Variants in DNM2 observed in about 807,000 individuals in gnomAD.
DNM2 encodes the protein dynamin 2, also known as dynamin-2.
A neutral mutation model predicts 99.0 loss-of-function variants in DNM2; 15 were observed. The observed-to-expected ratio is 0.15, with a 90% CI of 0.10 to 0.23. The LOEUF (loss-of-function observed/expected upper bound fraction) is 0.23, where lower values mean the gene tolerates loss of function less well. Ranked by LOEUF, DNM2 falls within the 10% of genes least tolerant of loss-of-function variation. The pLI is 1.00. For missense variants in DNM2, 742 were observed against 1,189.4 expected (o/e 0.62, Z 5.53); for synonymous variants, 525 against 481.2 (o/e 1.09, Z -1.19).
Position 10,830,175 on chromosome 19 carries a change from G to A in DNM2, c.2340G>A (p.Arg780=). The A allele has an allele frequency of 6.2e-7, 1 of 1,613,534 alleles. No homozygotes were observed. Among genetic ancestry groups the A allele is most frequent in the Non-Finnish European group, 8.5e-7 (1 of 1,179,662 alleles). The change falls in exon 20 of 21, where the codon CGG becomes CGA. Residue 780 remains arginine, a synonymous_variant. Transcript: ENST00000389253. The surrounding 1 kb of genome is among the most constrained non-coding windows in gnomAD (Gnocchi z 4.8). ...TGTCCAGCATACACCCCCCTGGCCG[G>A]CCCCCAGCAGTGAGGGGCCCCACTC... ...RPVSSIHPPG[R]PPAVRGPTPG...
intron 7 of DNM2, among the ~76,000 whole-genome samples, chr19:10,792,211 T>C (rs1386504662): frequency 6.6e-6 from 1 of 152,242 alleles, no homozygotes; most frequent in East Asian, 1.9e-4. Flanking sequence ...GAAAGAGATT[T>C]TGGGGATCTG....
In DNM2 at chr19:10,741,554, T is replaced by TC. The variant is rs2069749107; in HGVS notation, c.162-18184_162-18183insC. On this transcript the variant is annotated intron_variant, in intron 1 of 20. Coordinates refer to ENST00000389253, the MANE Select transcript of DNM2 (RefSeq NM_001005361.3). ...CCAAATTGGCCAATATTTCTTTCTT[T>TC]TTTTTTTTTTTTTGAGACAGAGTCT... is the stretch of plus-strand genomic sequence containing the variant. 3.3e-5 allele frequency among the ~76,000 whole-genome samples: 5 copies of TC among 149,732 alleles called. No individual in the cohort carries two copies. The South Asian group carries it at 1.1e-3, about 32-fold the overall frequency.
chr19:10,724,855 A>C (rs1375829424), intron 1 of DNM2, among the ~76,000 whole-genome samples: 2 of 152,226 alleles, frequency 1.3e-5, no homozygotes, highest in East Asian at 1.9e-4. Context: ...TTTTAATAAG[A>C]AGCAGCTGTG....
At position 10,765,082 on chromosome 19, in the gene DNM2, G is replaced by A. The variant is rs963498577; in HGVS notation, c.235+5271G>A. ...ACACCATGCTCCTGTCTCAGCCTCC[G>A]GCGTAGCTGGGACTACAGGCGCCCG... is the stretch of plus-strand genomic sequence containing the variant. On this transcript the variant is annotated intron_variant, in intron 2 of 20. Coordinates refer to ENST00000389253, the MANE Select transcript of DNM2 (RefSeq NM_001005361.3). This position sits in a 1 kb window ranked among gnomAD's most constrained non-coding sequence, Gnocchi z 4.4. Among the ~76,000 whole-genome samples, 11 of 151,026 alleles carry A rather than the reference G, an allele frequency of 7.3e-5. No individual in the cohort carries two copies. The highest frequency in any genetic ancestry group is 2.2e-4 in the African/African-American group (9 of 40,994).
chr19:10,793,626 A>T (rs1378352780), intron 7 of DNM2, 94 bp from the exon 8 acceptor site: 3 of 1,610,532 alleles, frequency 1.9e-6, no homozygotes, highest in East Asian at 4.5e-5. Flanking sequence ...GAAAAATGGT[A>T]AAAGAACAGT....
chr19:10,784,053 T>C (rs2071471915), intron 6 of DNM2, among the ~76,000 whole-genome samples: 1 of 151,998 alleles, frequency 6.6e-6, no homozygotes, highest in Admixed American at 6.6e-5. Context: ...ACAGAAATGG[T>C]ATTAAAAGCT....
chr19:10,812,259 C>A lies in DNM2; in HGVS notation c.1558-5C>A, dbSNP rs777800520. 6 of 1,591,510 alleles carry A rather than the reference C, an allele frequency of 3.8e-6. No individual in the cohort carries two copies. Among genetic ancestry groups the A allele is most frequent in the African/African-American group, 1.3e-5 (1 of 74,440 alleles). On this transcript the variant is annotated splice_region_variant and splice_polypyrimidine_tract_variant and intron_variant, in intron 14 of 20. Coordinates refer to ENST00000389253, the MANE Select transcript of DNM2 (RefSeq NM_001005361.3). This position sits in a 1 kb window ranked among gnomAD's most constrained non-coding sequence, Gnocchi z 4.0. Reference sequence around the variant, plus strand: ...TTCCCTGCTAAGCTGCGCGCTTTCCCCCAGGTGATCCGCAGGGGCTGGCTG... The same window carrying A: ...TTCCCTGCTAAGCTGCGCGCTTTCCACCAGGTGATCCGCAGGGGCTGGCTG...
At chr19:10,798,850 T>C (rs2072032441) in intron 11 of DNM2, among the ~76,000 whole-genome samples, 1 of 151,528 alleles carries the variant, frequency 6.6e-6, no homozygotes. Flanking sequence ...AAAGTAACCC[T>C]TACCTCAATC....
chr19:10,743,954 C>T (rs994576844), intron 1 of DNM2, among the ~76,000 whole-genome samples: 2 of 150,754 alleles, frequency 1.3e-5, no homozygotes, highest in Non-Finnish European at 3.0e-5. Flanking sequence ...CCATTGCACT[C>T]CAGCCAGGGC....
chr19:10,776,058 A>G, intron 4 of DNM2, 152 bp downstream of exon 4: 3 of 1,038,604 alleles, frequency 2.9e-6, no homozygotes, highest in Non-Finnish European at 4.3e-6. Context: ...TCCGAGAACC[A>G]GCAGTGCTGG....
At chr19:10,771,595 G>A (rs1051745167) in intron 2 of DNM2, among the ~76,000 whole-genome samples, 1 of 152,204 alleles carries the variant, frequency 6.6e-6, no homozygotes, top group African/African-American at 2.4e-5. Flanking sequence ...TACCCCTGGG[G>A]ATTTTGTGGA....
intron 5 of DNM2, among the ~76,000 whole-genome samples, chr19:10,781,018 TAAAAAAAA>T (rs5827115): frequency 7.9e-5 from 9 of 114,430 alleles, no homozygotes; most frequent in African/African-American, 2.7e-4. Flanking sequence ...ACTCTGTCTT[TAAAAAAAA>T]AAAAAAAAAA....
At chr19:10,722,679 G>T (rs558523792) in intron 1 of DNM2, among the ~76,000 whole-genome samples, 96 of 151,796 alleles carry the variant, frequency 6.3e-4, no homozygotes, top group Admixed American at 1.1e-3. Flanking sequence ...AGGCTAGAGT[G>T]CAGTGGCACC....
chr19:10,745,672 G>C (rs1599464843), intron 1 of DNM2, among the ~76,000 whole-genome samples: 2 of 152,182 alleles, frequency 1.3e-5, no homozygotes, highest in East Asian at 3.8e-4. Context: ...ACTCCAGCCT[G>C]GATGACAGAG....
chr19:10,759,683 C>G, intron 1 of DNM2, 55 bp from the exon 2 acceptor site: 1 of 1,609,180 alleles, frequency 6.2e-7, no homozygotes, highest in Non-Finnish European at 8.5e-7. Flanking sequence ...GGTCACACTT[C>G]CTGCCCCTCG....
intron 1 of DNM2, among the ~76,000 whole-genome samples, chr19:10,749,044 T>G (rs2070099820): frequency 6.6e-6 from 1 of 152,062 alleles, no homozygotes; most frequent in African/African-American, 2.4e-5. Flanking sequence ...GAGCATATGG[T>G]GACAAGGAAG....
chr19:10,758,664 A>T (rs528564942), intron 1 of DNM2, among the ~76,000 whole-genome samples: 1 of 150,656 alleles, frequency 6.6e-6, no homozygotes, highest in African/African-American at 2.4e-5. Flanking sequence ...CTCCTGCCTC[A>T]GCCTCCTGAG....
chr19:10,735,349 A>C (rs1460122599), intron 1 of DNM2, among the ~76,000 whole-genome samples: 1 of 152,028 alleles, frequency 6.6e-6, no homozygotes, highest in Admixed American at 6.6e-5. Context: ...TCTTCTGTGA[A>C]TCTTATCAGG....
chr19:10,808,135 T>G (rs1215236363), intron 13 of DNM2, among the ~76,000 whole-genome samples: 1 of 148,140 alleles, frequency 6.8e-6, no homozygotes. Context: ...TGAGCGAGAC[T>G]CCATATCAGG....
Sources: allele counts gnomAD v4.1 joint callset (sites outside exome capture counted in the v4.1 genomes callset), GRCh38; gene constraint gnomAD v4.1.1; non-coding constraint Gnocchi (gnomAD v3.1); transcripts MANE v1.5; gene names NCBI Gene and HGNC (gene_info 2026-07-23, HGNC 2026-07-21).